CLEC16A: variants seen among roughly 807,000 people sequenced by gnomAD.
The protein encoded by CLEC16A is C-type lectin domain containing 16A.
Under a neutral mutation model 109.5 loss-of-function variants are expected in CLEC16A, and 51 were observed. That is an observed-to-expected ratio of 0.47 (90% CI 0.37 to 0.59). The LOEUF (loss-of-function observed/expected upper bound fraction) is 0.59, where lower values mean the gene tolerates loss of function less well. CLEC16A is among the 20% of genes least tolerant of loss of function. CLEC16A has a pLI of 0.00. For synonymous variants in CLEC16A, 673 were observed against 564.2 expected, an observed-to-expected ratio of 1.19 and a Z score of -2.73; for missense variants, 1,339 against 1,394.0, an observed-to-expected ratio of 0.96 and a Z score of 0.63.
At chr16:11,022,648 G>T (rs533630209) in intron 12 of CLEC16A, among the ~76,000 whole-genome samples, 110 of 151,976 alleles carry the variant, frequency 7.2e-4, no homozygotes, top group African/African-American at 2.6e-3. Context: ...GCCTGTAATC[G>T]CAGCACTTTG....
intron 1 of CLEC16A, among the ~76,000 whole-genome samples, chr16:10,953,866 A>C (rs981008282): frequency 6.6e-6 from 1 of 151,992 alleles, no homozygotes; most frequent in African/African-American, 2.4e-5. Flanking sequence ...AGTCCCAGCT[A>C]TTCGGAAGGC....
chr16:11,142,584 C>G (rs1254410070), intron 22 of CLEC16A, among the ~76,000 whole-genome samples: 1 of 152,242 alleles, frequency 6.6e-6, no homozygotes, highest in Non-Finnish European at 1.5e-5. Flanking sequence ...GTGGTACACA[C>G]TGGTGCAGCC....
intron 10 of CLEC16A, among the ~76,000 whole-genome samples, chr16:11,002,652 G>C (rs2044737983): frequency 6.6e-6 from 1 of 151,778 alleles, no homozygotes; most frequent in Non-Finnish European, 1.5e-5. Flanking sequence ...CCCCCTCCAA[G>C]TCCACCACCC....
At position 11,146,955 on chromosome 16, in the gene CLEC16A, G is replaced by C. The variant is rs1349351744; in HGVS notation, c.2642-19433G>C. Reference sequence around the variant, plus strand: ...TTCCCACCATGTTTGGTGCCCTCAGGGAACTGGCAGATGCTGAGTTAATGT... The same window carrying C: ...TTCCCACCATGTTTGGTGCCCTCAGCGAACTGGCAGATGCTGAGTTAATGT... On this transcript the variant is annotated intron_variant, in intron 22 of 23. Transcript: ENST00000409790. 4.8e-5 allele frequency among the ~76,000 whole-genome samples: 7 copies of C among 145,418 alleles called. No individual in the cohort carries two copies. The East Asian group carries it at 1.2e-3, about 24-fold the overall frequency.
intron 19 of CLEC16A, among the ~76,000 whole-genome samples, chr16:11,076,686 A>G (rs184469761): frequency 5.4e-4 from 82 of 152,334 alleles, no homozygotes; most frequent in African/African-American, 1.9e-3. Flanking sequence ...TGAACCAGTG[A>G]CAGACAGCGC....
At chr16:10,985,633 T>A (rs1472122812) in intron 10 of CLEC16A, among the ~76,000 whole-genome samples, 1 of 151,954 alleles carries the variant, frequency 6.6e-6, no homozygotes, top group African/African-American at 2.4e-5. Flanking sequence ...TAAGATACCC[T>A]CTGCAGTGCT....
At chr16:11,027,275 A>G in intron 13 of CLEC16A, 1 of 1,547,306 alleles carries the variant, frequency 6.5e-7, no homozygotes, top group South Asian at 1.1e-5. Flanking sequence ...TGCCAGATAA[A>G]CATTCCTTGG....
At chr16:10,968,922 T>G (rs976874134) in intron 3 of CLEC16A, among the ~76,000 whole-genome samples, 5 of 152,108 alleles carry the variant, frequency 3.3e-5, no homozygotes, top group Non-Finnish European at 7.4e-5. Flanking sequence ...TTTTTTTTAT[T>G]TGGTGTGGGA....
chr16:11,160,895 G>A (rs965155118), intron 22 of CLEC16A, among the ~76,000 whole-genome samples: 1 of 152,148 alleles, frequency 6.6e-6, no homozygotes, highest in African/African-American at 2.4e-5. Flanking sequence ...AAGCAGAATG[G>A]AGGAGGATAT....
intron 23 of CLEC16A, among the ~76,000 whole-genome samples, chr16:11,166,867 G>A (rs1305921379): frequency 6.6e-6 from 1 of 152,206 alleles, no homozygotes; most frequent in Non-Finnish European, 1.5e-5. Context: ...CACAGTCTTA[G>A]GTGTCACAAG....
intron 19 of CLEC16A, among the ~76,000 whole-genome samples, chr16:11,084,784 A>G (rs957057571): frequency 3.9e-5 from 6 of 152,206 alleles, no homozygotes; most frequent in Non-Finnish European, 7.3e-5. Context: ...TGCCCCTTCC[A>G]TTCCCCTGAA....
rs566575470 is a variant in CLEC16A, at chr16:10,948,189, G to A, written c.80+3392G>A. On this transcript the variant is annotated intron_variant, in intron 1 of 23. Transcript: ENST00000409790. ...ATTACAGGCATGAGCCACTGCACCC[G>A]GCCTAGACTTTACTTTTTTAGAACA... Among the ~76,000 whole-genome samples, 6 of 152,266 alleles carry A rather than the reference G, an allele frequency of 3.9e-5. No individual in the cohort carries two copies. The South Asian group carries it at 1.2e-3, about 32-fold the overall frequency.
Position 11,128,381 on chromosome 16 carries a change from C to T in CLEC16A, c.2641+2235C>T, listed in dbSNP as rs78394940. Among the ~76,000 whole-genome samples the T allele has an allele frequency of 1.6e-3, 239 of 152,336 alleles. 1 individual carries two copies. Among genetic ancestry groups the T allele is most frequent in the African/African-American group, 5.3e-3 (219 of 41,572 alleles). ...GGCTCCAGAACCTGGGCCTGCCTGC[C>T]GGGGTGGTTGGCACAGCTGGGATGC... On this transcript the variant is annotated intron_variant, in intron 22 of 23. Transcript: ENST00000409790.
chr16:11,147,790 T>C (rs750770473), intron 22 of CLEC16A, among the ~76,000 whole-genome samples: 34 of 152,358 alleles, frequency 2.2e-4, no homozygotes, highest in Non-Finnish European at 3.5e-4. Context: ...ATCTCATTTG[T>C]GTCCCATTTT....
chr16:11,038,862 G>A (rs1036034021), intron 13 of CLEC16A, among the ~76,000 whole-genome samples: 1 of 152,124 alleles, frequency 6.6e-6, no homozygotes, highest in East Asian at 1.9e-4. Flanking sequence ...GCTTAGCTTA[G>A]TGTCTTTCTG....
At chr16:11,012,397 G>A (rs1026371788) in intron 11 of CLEC16A, among the ~76,000 whole-genome samples, 2 of 151,890 alleles carry the variant, frequency 1.3e-5, no homozygotes, top group Non-Finnish European at 2.9e-5. Flanking sequence ...AGATCGAGAC[G>A]ATCCTGGCTA....
At chr16:10,992,406 C>A (rs1176627981) in intron 10 of CLEC16A, among the ~76,000 whole-genome samples, 1 of 151,742 alleles carries the variant, frequency 6.6e-6, no homozygotes. Context: ...ATGTTCTCAC[C>A]ACAAAGAAAT....
At chr16:11,095,971 C>G (rs1325638229) in intron 19 of CLEC16A, among the ~76,000 whole-genome samples, 1 of 152,148 alleles carries the variant, frequency 6.6e-6, no homozygotes, top group African/African-American at 2.4e-5. Flanking sequence ...ACTGCAGGTG[C>G]ACACCATCAC....
intron 18 of CLEC16A, among the ~76,000 whole-genome samples, chr16:11,056,283 G>A (rs58102322): frequency 0.1 from 15,950 of 152,178 alleles, 876 homozygotes; most frequent in African/African-American, 0.13. Flanking sequence ...CAGGTCCCTC[G>A]TGGGTCTTGC....
Sources: allele counts gnomAD v4.1 joint callset (sites outside exome capture counted in the v4.1 genomes callset), GRCh38; gene constraint gnomAD v4.1.1; transcripts MANE v1.5; gene names NCBI Gene and HGNC (gene_info 2026-07-23, HGNC 2026-07-21).